MBD3L1: variants seen among roughly 807,000 people sequenced by gnomAD.
The protein encoded by MBD3L1 is methyl-CpG binding domain protein 3 like 1.
For missense variants in MBD3L1, 203 were observed against 230.1 expected (o/e 0.88, Z 0.76); for synonymous variants, 84 against 85.1 (o/e 0.99, Z 0.07).
At chr19:8,834,389 C>T (rs1271651749) in intron 1 of MBD3L1, among the ~76,000 whole-genome samples, 4 of 152,114 alleles carry the variant, frequency 2.6e-5, no homozygotes, top group African/African-American at 9.7e-5. Flanking sequence ...GCAGGCAGAT[C>T]ACGAGGTCAA....
At chr19:8,840,024 A>T (rs2044495637) in intron 1 of MBD3L1, among the ~76,000 whole-genome samples, 1 of 152,096 alleles carries the variant, frequency 6.6e-6, no homozygotes, top group African/African-American at 2.4e-5. Flanking sequence ...GCTACTAAAA[A>T]TACCAAAAAA....
intron 1 of MBD3L1, among the ~76,000 whole-genome samples, chr19:8,833,711 G>A (rs2044416354): frequency 6.6e-6 from 1 of 152,002 alleles, no homozygotes; most frequent in South Asian, 2.1e-4. Flanking sequence ...AGTGCTGGTT[G>A]GACCTGGTGG....
chr19:8,840,173 G>A (rs6511712), intron 1 of MBD3L1, among the ~76,000 whole-genome samples: 6,426 of 142,496 alleles, frequency 0.045, 483 homozygotes, highest in African/African-American at 0.16. Context: ...TATAGAGCGG[G>A]ACTCCGTCTC....
In MBD3L1 at chr19:8,832,776, G is replaced by A. The variant is rs549550242; in HGVS notation, c.-107+254G>A. Among the ~76,000 whole-genome samples the A allele has an allele frequency of 9.2e-5, 14 of 151,458 alleles. No individual in the cohort carries two copies. In the South Asian group the frequency reaches 1.5e-3, roughly 16 times the overall value. On this transcript the variant is annotated intron_variant, in intron 1 of 2. Coordinates refer to ENST00000595891, the MANE Select transcript of MBD3L1 (RefSeq NM_001393532.1). ...ATGACTGAGCAGAGACCAGTTACAG[G>A]GGTGGAGACCTCCATTTCCGGGGCG...
chr19:8,836,466 C>A (rs935488741), intron 1 of MBD3L1, among the ~76,000 whole-genome samples: 1 of 150,526 alleles, frequency 6.6e-6, no homozygotes, highest in South Asian at 2.1e-4. Context: ...CCTCCTCCTC[C>A]CCCCCTCTCC....
At chr19:8,835,827 G>A (rs1175184748) in intron 1 of MBD3L1, among the ~76,000 whole-genome samples, 1 of 152,064 alleles carries the variant, frequency 6.6e-6, no homozygotes, top group African/African-American at 2.4e-5. Flanking sequence ...TCCACACAAC[G>A]GATTATTATT....
In MBD3L1 at chr19:8,834,701, T is replaced by C. The variant is rs552785292; in HGVS notation, c.-107+2179T>C. ...CAGAGAATGAAATTGGACCTCTACT[T>C]CACACCATGTACAAAAGTGAGCTCA... is the stretch of plus-strand genomic sequence containing the variant. On this transcript the variant is annotated intron_variant, in intron 1 of 2. Coordinates refer to ENST00000595891, the MANE Select transcript of MBD3L1 (RefSeq NM_001393532.1). Among the ~76,000 whole-genome samples, 383 of 151,110 alleles carry C rather than the reference T, an allele frequency of 2.5e-3. 3 individuals are homozygous for C. The highest frequency in any genetic ancestry group is 4.6e-3 in the Non-Finnish European group (314 of 67,842).
intron 1 of MBD3L1, among the ~76,000 whole-genome samples, chr19:8,838,918 T>C (rs1483001600): frequency 1.3e-5 from 2 of 152,164 alleles, no homozygotes; most frequent in African/African-American, 4.8e-5. Flanking sequence ...CGAGGTCTTT[T>C]GGAACAGAAT....
rs1758572157 is a variant in MBD3L1, at chr19:8,842,856, G to C, written c.178G>C (p.Glu60Gln). 10 of 1,614,118 alleles carry C rather than the reference G, an allele frequency of 6.2e-6. No individual in the cohort carries two copies. The South Asian group carries it at 1.1e-4, about 18-fold the overall frequency. The change falls in exon 3 of 3, where the codon GAG (glutamate) becomes CAG (glutamine). Residue 60 changes from glutamate (E) to glutamine (Q), a missense_variant. Coordinates refer to ENST00000595891, the MANE Select transcript of MBD3L1 (RefSeq NM_001393532.1). ...ATACCATCAATGGGAGGAGAGCTTG[G>C]AGAAGCCTCAGCAGGTCTGCTGGCA... ...VRYHQWEESL[E>Q]KPQQVCWQRR...
chr19:8,832,875 C>T (rs914848683), intron 1 of MBD3L1, among the ~76,000 whole-genome samples: 13 of 150,924 alleles, frequency 8.6e-5, no homozygotes, highest in Non-Finnish European at 1.3e-4. Context: ...AGATAAGCTC[C>T]GGGCCGGGCG....
In MBD3L1 at chr19:8,843,068, G is replaced by C; in HGVS notation, c.390G>C (p.Glu130Asp). The C allele has an allele frequency of 6.2e-7, 1 of 1,614,122 alleles. No individual in the cohort carries two copies. Among genetic ancestry groups the C allele is most frequent in the Non-Finnish European group, 8.5e-7 (1 of 1,179,976 alleles). ...PHLACSSDAV[E>D]IIPAEGVGIS... is the part of the protein sequence containing the mutation. ...TTGCCTGCTCTTCAGATGCGGTGGAGATAATTCCTGCAGAGGGAGTGGGTA... is the reference window on the plus strand; with the variant it reads ...TTGCCTGCTCTTCAGATGCGGTGGACATAATTCCTGCAGAGGGAGTGGGTA... The change falls in exon 3 of 3, where the codon GAG (glutamate) becomes GAC (aspartate). Residue 130 changes from glutamate (E) to aspartate (D), a missense_variant. Glu to Asp is a conservative substitution (Grantham distance 45, BLOSUM62 2). Transcript: ENST00000595891.
intron 2 of MBD3L1, among the ~76,000 whole-genome samples, chr19:8,841,939 T>A (rs1417411184): frequency 6.6e-6 from 1 of 152,142 alleles, no homozygotes; most frequent in Non-Finnish European, 1.5e-5. Context: ...AGCAGAGCAG[T>A]TGATAATTTC....
At chr19:8,842,609 G>C in intron 2 of MBD3L1, 49 bp from the exon 3 acceptor site, 1 of 1,334,950 alleles carries the variant, frequency 7.5e-7, no homozygotes, top group Non-Finnish European at 1.0e-6. Flanking sequence ...TCCTGAGAAG[G>C]CAGGCTTCAT....
intron 1 of MBD3L1, among the ~76,000 whole-genome samples, chr19:8,838,685 T>G (rs998073854): frequency 3.9e-5 from 6 of 152,206 alleles, no homozygotes; most frequent in South Asian, 2.1e-4. Context: ...GCTGGCATTG[T>G]TGGTGGTAAA....
Position 8,840,971 on chromosome 19 carries a change from G to A in MBD3L1, c.-50G>A, listed in dbSNP as rs939524639. ...CAGAGAACAGGGACCTTCCAAGTTT[G>A]AAGTTTTACAAGGCAGGTGTGATAA... On this transcript the variant is annotated 5_prime_UTR_variant, in exon 2 of 3. It removes the in-frame stop codon of an upstream open reading frame in the 5' UTR. Transcript: ENST00000595891. The A allele has an allele frequency of 4.0e-5, 6 of 151,582 alleles. No individual in the cohort carries two copies. The highest frequency in any genetic ancestry group is 8.8e-5 in the Non-Finnish European group (6 of 67,888). The allele number at this position is 151,582 out of a possible 1,614,324, so 9.4% of individuals were successfully genotyped here.
chr19:8,833,526 A>G (rs1378830897), intron 1 of MBD3L1: 1 of 152,230 alleles, frequency 6.6e-6, no homozygotes, highest in Non-Finnish European at 1.5e-5. Context: ...AATAAATGCT[A>G]TTACCTCCCC....
At chr19:8,833,697 A>G (rs77310655) in intron 1 of MBD3L1, among the ~76,000 whole-genome samples, 1 of 152,174 alleles carries the variant, frequency 6.6e-6, no homozygotes, top group Non-Finnish European at 1.5e-5. Flanking sequence ...GTTAGATACC[A>G]CTAAGTGCTG....
intron 1 of MBD3L1, among the ~76,000 whole-genome samples, chr19:8,840,704 G>A (rs2044503333): frequency 6.6e-6 from 1 of 152,168 alleles, no homozygotes; most frequent in Admixed American, 6.5e-5. Flanking sequence ...GAACCATCAG[G>A]TAAGTTAAGG....
intron 1 of MBD3L1, among the ~76,000 whole-genome samples, chr19:8,834,741 C>T (rs1487447352): frequency 6.7e-6 from 1 of 149,862 alleles, no homozygotes; most frequent in Non-Finnish European, 1.5e-5. Flanking sequence ...AGATCATAGA[C>T]CTAAAGGTAA....
Sources: gnomAD v4.1 joint callset for allele counts (sites outside exome capture counted in the v4.1 genomes callset) on GRCh38, gnomAD v4.1.1 for gene constraint, MANE v1.5 for transcripts, NCBI Gene and HGNC (gene_info 2026-07-23, HGNC 2026-07-21) for gene names.